HDC: variants seen among roughly 807,000 people sequenced by gnomAD.
The protein encoded by HDC is histidine decarboxylase.
Under a neutral mutation model 64.4 loss-of-function variants are expected in HDC, and 27 were observed. The ratio of observed to expected loss-of-function variants is 0.42; its 90% CI spans 0.31 to 0.58. The LOEUF is 0.58. Ranked by LOEUF, HDC falls within the 20% of genes least tolerant of loss-of-function variation. The pLI, the probability that HDC is intolerant of heterozygous loss-of-function variation, is 0.16. For missense variants in HDC, 711 were observed against 833.9 expected (o/e 0.85, Z 1.81); for synonymous variants, 305 against 314.2 (o/e 0.97, Z 0.31).
chr15:50,245,267 T>G (rs1022942642), intron 10 of HDC, among the ~76,000 whole-genome samples: 2 of 152,232 alleles, frequency 1.3e-5, no homozygotes, highest in African/African-American at 4.8e-5. Context: ...GTTTACATAT[T>G]GTCTACGGTA....
chr15:50,256,358 A>T (rs1006661627), intron 4 of HDC, among the ~76,000 whole-genome samples: 1 of 152,194 alleles, frequency 6.6e-6, no homozygotes, highest in Non-Finnish European at 1.5e-5. Context: ...GGACCTAGTG[A>T]ACTTCCTGGT....
At chr15:50,249,387 G>A (rs1428074243) in intron 9 of HDC, among the ~76,000 whole-genome samples, 1 of 152,134 alleles carries the variant, frequency 6.6e-6, no homozygotes, top group East Asian at 1.9e-4. Flanking sequence ...ATAAATGTTT[G>A]TCCCACTGCG....
Position 50,253,586 on chromosome 15 carries a change from G to A in HDC, c.787+14C>T. On this transcript the variant is annotated intron_variant, in intron 7 of 11. Transcript: ENST00000267845. ...TATTCCTTGTCTTCCTAGCCACAGAGGGAAGATACTTACAGATGGGGCCCA... is the reference window on the plus strand; with the variant it reads ...TATTCCTTGTCTTCCTAGCCACAGAAGGAAGATACTTACAGATGGGGCCCA... 1 of 1,608,666 alleles carries A rather than the reference G, an allele frequency of 6.2e-7. No individual in the cohort carries two copies.
chr15:50,252,359 TG>T (rs1212586984), intron 9 of HDC, 70 bp downstream of exon 9: 7 of 1,151,810 alleles, frequency 6.1e-6, no homozygotes, highest in Non-Finnish European at 5.3e-6. Context: ...GTACAGATTT[TG>T]GGGGGTCAGA....
Position 50,242,179 on chromosome 15 carries a change from C to G in HDC, c.*81G>C, listed in dbSNP as rs182805767. ...CAAGAAAAATGCATGTACACATAAG[C>G]ACACAAAGTTGGCATACAATTGTGA... On this transcript the variant is annotated 3_prime_UTR_variant, in exon 12 of 12. Transcript: ENST00000267845. 1.2e-5 allele frequency: 14 copies of G among 1,169,652 alleles called. No individual in the cohort carries two copies. Among genetic ancestry groups the G allele is most frequent in the Non-Finnish European group, 1.8e-5 (14 of 779,710 alleles). 72.5% of individuals were successfully genotyped at this position (1,169,652 alleles called of 1,614,324 possible).
chr15:50,257,523 G>A lies in HDC; in HGVS notation c.343C>T (p.Leu115=). 1.2e-6 allele frequency: 2 copies of A among 1,614,218 alleles called. No homozygotes were observed. The highest frequency in any genetic ancestry group is 1.3e-5 in the African/African-American group (1 of 75,060). The stretch of plus-strand genomic sequence containing the variant: ...AACCAGTCCATGACGTTCATCTCCA[G>A]CTCTGTACACGCAGGGCTGGATGCC... The part of the protein sequence containing the change: ...TWASSPACTE[L]EMNVMDWLAK... The change falls in exon 4 of 12, where the codon CTG becomes TTG. Residue 115 remains leucine (L), a synonymous_variant. Transcript: ENST00000267845.
chr15:50,262,904 A>G (rs544098000), intron 2 of HDC, among the ~76,000 whole-genome samples: 2 of 151,962 alleles, frequency 1.3e-5, no homozygotes, highest in East Asian at 3.9e-4. Context: ...CTTTCCCCTC[A>G]GACAAAATGT....
Position 50,259,272 on chromosome 15 carries a change from C to T in HDC, c.205-755G>A, listed in dbSNP as rs2140940436. On this transcript the variant is annotated intron_variant, in intron 2 of 11. Coordinates refer to ENST00000267845, the MANE Select transcript of HDC (RefSeq NM_002112.4). ...TTTTTGTTTTATGGAGCACTGAGCT[C>T]CCTGAGCATGCAACTCAGAGGGTCT... is the stretch of plus-strand genomic sequence containing the variant. 2.0e-5 allele frequency among the ~76,000 whole-genome samples: 3 copies of T among 152,306 alleles called. No homozygotes were observed. In the South Asian group the frequency reaches 6.2e-4, roughly 32 times the overall value.
At chr15:50,260,471 G>A (rs1471303637) in intron 2 of HDC, among the ~76,000 whole-genome samples, 1 of 152,162 alleles carries the variant, frequency 6.6e-6, no homozygotes, top group Admixed American at 6.5e-5. Context: ...GGGTGGAGGC[G>A]TGGGCAAGAA....
At chr15:50,258,839 C>T (rs2045665870) in intron 2 of HDC, among the ~76,000 whole-genome samples, 1 of 152,154 alleles carries the variant, frequency 6.6e-6, no homozygotes, top group Non-Finnish European at 1.5e-5. Flanking sequence ...CCAGTACTTA[C>T]CCCTCATGCC....
intron 4 of HDC, 112 bp downstream of exon 4, chr15:50,257,313 T>A (rs1430409834): frequency 2.1e-5 from 28 of 1,312,710 alleles, no homozygotes; most frequent in Admixed American, 8.4e-5. Flanking sequence ...GATGACGGTG[T>A]GGGTAATGTG....
intron 4 of HDC, 108 bp from the exon 5 acceptor site, chr15:50,254,772 CTCTCTG>C (rs1567452517): frequency 8.6e-5 from 81 of 939,962 alleles, no homozygotes; most frequent in African/African-American, 8.6e-4. Context: ...CTCTCTCTCT[CTCTCTG>C]TGTGTGTATG....
At chr15:50,245,420 G>C (rs754379748) in intron 10 of HDC, among the ~76,000 whole-genome samples, 9 of 152,140 alleles carry the variant, frequency 5.9e-5, no homozygotes, top group Non-Finnish European at 1.2e-4. Flanking sequence ...TGATGGTGAT[G>C]ATGATGACAA....
rs769650997 is a variant in HDC, at chr15:50,257,521, C to T, written c.345G>A (p.Leu115=). 6.2e-7 allele frequency: 1 copy of T among 1,614,204 alleles called. No individual in the cohort carries two copies. The highest frequency in any genetic ancestry group is 8.5e-7 in the Non-Finnish European group (1 of 1,180,036). ...TWASSPACTE[L]EMNVMDWLAK... Reference sequence around the variant, plus strand: ...CCAACCAGTCCATGACGTTCATCTCCAGCTCTGTACACGCAGGGCTGGATG... The same window carrying T: ...CCAACCAGTCCATGACGTTCATCTCTAGCTCTGTACACGCAGGGCTGGATG... Residue 115 remains leucine, a synonymous_variant, in exon 4 of 12, where the codon CTG becomes CTA. Coordinates refer to ENST00000267845, the MANE Select transcript of HDC (RefSeq NM_002112.4).
Position 50,248,412 on chromosome 15 carries a change from G to C in HDC, c.1042-69C>G. 9.1e-7 allele frequency: 1 copy of C among 1,093,400 alleles called. No individual in the cohort carries two copies. Among genetic ancestry groups the C allele is most frequent in the Non-Finnish European group, 1.4e-6 (1 of 717,540 alleles). 67.7% of individuals were successfully genotyped at this position (1,093,400 alleles called of 1,614,324 possible). ...GCCCCACTCCCTCGGGCATTTCTGGGCATTATCTGTTGCCTGCCCAGCCCT... is the reference window on the plus strand; with the variant it reads ...GCCCCACTCCCTCGGGCATTTCTGGCCATTATCTGTTGCCTGCCCAGCCCT... On this transcript the variant is annotated intron_variant, in intron 9 of 11. Coordinates refer to ENST00000267845, the MANE Select transcript of HDC (RefSeq NM_002112.4). The surrounding 1 kb of genome is among the most constrained non-coding windows in gnomAD (Gnocchi z 4.3).
At chr15:50,259,086 C>T (rs1010456926) in intron 2 of HDC, among the ~76,000 whole-genome samples, 8 of 151,778 alleles carry the variant, frequency 5.3e-5, no homozygotes, top group East Asian at 1.9e-4. Flanking sequence ...GATGTGAACC[C>T]GGGAGGCTGA....
At chr15:50,261,635 A>AAG (rs1393385603) in intron 2 of HDC, among the ~76,000 whole-genome samples, 2 of 151,210 alleles carry the variant, frequency 1.3e-5, no homozygotes, top group Admixed American at 6.6e-5. Flanking sequence ...AAAAAAAAAA[A>AAG]AAAAAAAAGT....
At chr15:50,261,564 TGAGCCCAGGAGTTG>T (rs1387863366) in intron 2 of HDC, among the ~76,000 whole-genome samples, 2 of 149,270 alleles carry the variant, frequency 1.3e-5, no homozygotes, top group Non-Finnish European at 3.0e-5. Context: ...GAGGATCACT[TGAGCCCAGGAGTTG>T]GAGACCAGCT....
chr15:50,242,604 C>T lies in HDC; in HGVS notation c.1645G>A (p.Val549Ile). 3 of 1,614,202 alleles carry T rather than the reference C, an allele frequency of 1.9e-6. No homozygotes were observed. The South Asian group carries it at 3.3e-5, about 18-fold the overall frequency. ...GCCTCTTCTGAAAAGCAGTCATCAA[C>T]TGGGTCCAGCAGGGTTTCAAGATGG... Reference protein sequence around the residue: ...GLHLETLLDPVDDCFSEEAPD... With the variant: ...GLHLETLLDPIDDCFSEEAPD... The change falls in exon 12 of 12, where the codon GTT (valine) becomes ATT (isoleucine). Residue 549 changes from valine (V) to isoleucine (I), a missense_variant. Val to Ile is a conservative substitution (Grantham distance 29). Around this residue, in one of 3 missense-constraint regions of HDC, gnomAD observed 483 missense variants for 540.9 expected, o/e 0.89. Coordinates refer to ENST00000267845, the MANE Select transcript of HDC (RefSeq NM_002112.4).
Sources: gnomAD v4.1 joint callset for allele counts (sites outside exome capture counted in the v4.1 genomes callset) on GRCh38, gnomAD v4.1.1 for gene constraint, gnomAD v4.1.1 regional missense constraint, Gnocchi (gnomAD v3.1) non-coding constraint, MANE v1.5 for transcripts, NCBI Gene and HGNC (gene_info 2026-07-23, HGNC 2026-07-21) for gene names.